Variants in INO80 observed in about 807,000 individuals in gnomAD.
The protein encoded by INO80 is INO80 complex ATPase subunit.
INO80 carries 20 observed loss-of-function variants against 203.4 expected under a neutral mutation model. The observed-to-expected ratio is 0.10, with a 90% CI of 0.07 to 0.14. The LOEUF is 0.14. Ranked by LOEUF, INO80 falls within the 10% of genes least tolerant of loss-of-function variation. The pLI, the probability that INO80 is intolerant of heterozygous loss-of-function variation, is 1.00. For missense variants in INO80, 1,419 were observed against 1,914.4 expected (o/e 0.74, Z 4.83); for synonymous variants, 726 against 685.2 (o/e 1.06, Z -0.93).
intron 35 of INO80, among the ~76,000 whole-genome samples, chr15:40,980,940 C>T (rs911258918): frequency 7.9e-5 from 12 of 152,296 alleles, no homozygotes; most frequent in East Asian, 1.9e-4. Flanking sequence ...GTTCTCCTTG[C>T]GCTGGCAATG....
Position 40,979,898 on chromosome 15 carries a change from G to GAAAC in INO80, c.*321_*324dup. On this transcript the variant is annotated 3_prime_UTR_variant, in exon 36 of 36. Coordinates refer to ENST00000648947, the MANE Select transcript of INO80 (RefSeq NM_017553.3). Reference sequence around the variant, plus strand: ...AGAGCCGAAGAGTGGAATCGGGATGGAAACAGTATGCCTGAGCATCTAAAG... The same window carrying GAAAC: ...AGAGCCGAAGAGTGGAATCGGGATGGAAACAAACAGTATGCCTGAGCATCTAAAG... The GAAAC allele has an allele frequency of 2.8e-6, 1 of 352,922 alleles. No homozygotes were observed. Among genetic ancestry groups the GAAAC allele is most frequent in the Non-Finnish European group, 5.3e-6 (1 of 187,106 alleles). The allele number at this position is 352,922 out of a possible 1,614,324, so 21.9% of individuals were successfully genotyped here. A position where few individuals can be genotyped will look rare whatever the true frequency, so the allele number is the denominator to read the frequency against.
intron 28 of INO80, 49 bp downstream of exon 28, chr15:41,005,544 A>G (rs1243801543): frequency 4.3e-6 from 4 of 940,412 alleles, no homozygotes; most frequent in Non-Finnish European, 6.7e-6. Flanking sequence ...CATTTCAAGC[A>G]CTAGAGGGAA....
intron 29 of INO80, among the ~76,000 whole-genome samples, chr15:40,990,629 T>C (rs758497266): frequency 2.0e-5 from 3 of 152,236 alleles, no homozygotes; most frequent in Non-Finnish European, 4.4e-5. Flanking sequence ...GTTAATCTAG[T>C]GTCCTGCAAA....
chr15:41,058,223 C>T (rs1300817893), intron 16 of INO80, among the ~76,000 whole-genome samples: 1 of 152,146 alleles, frequency 6.6e-6, no homozygotes, highest in African/African-American at 2.4e-5. Flanking sequence ...AAAATGTCAC[C>T]TTCTTGAACA....
At chr15:41,039,804 T>C (rs2044640662) in intron 24 of INO80, among the ~76,000 whole-genome samples, 1 of 152,250 alleles carries the variant, frequency 6.6e-6, no homozygotes, top group African/African-American at 2.4e-5. Context: ...TAGTAAACAC[T>C]GAGTCTCCAC....
chr15:41,003,627 G>T (rs1273754419), intron 28 of INO80, among the ~76,000 whole-genome samples: 1 of 151,924 alleles, frequency 6.6e-6, no homozygotes, highest in African/African-American at 2.4e-5. Context: ...ACTGTGCCTG[G>T]ACTTTATTTT....
intron 24 of INO80, among the ~76,000 whole-genome samples, chr15:41,030,190 C>G (rs1442888736): frequency 6.6e-6 from 1 of 152,162 alleles, no homozygotes; most frequent in Admixed American, 6.5e-5. Context: ...AAAGAATGAA[C>G]ATTTCCTCCA....
chr15:41,046,148 G>A (rs2044755378), intron 23 of INO80, among the ~76,000 whole-genome samples: 1 of 121,338 alleles, frequency 8.2e-6, no homozygotes, highest in African/African-American at 2.9e-5. Flanking sequence ...ATATTTAAGG[G>A]GTGTGTGTGT....
chr15:41,067,626 C>T (rs2045243970), intron 14 of INO80, among the ~76,000 whole-genome samples: 1 of 152,160 alleles, frequency 6.6e-6, no homozygotes, highest in African/African-American at 2.4e-5. Context: ...AATGGGACCA[C>T]AGCCATAAAG....
chr15:41,092,630 T>A (rs566465304), intron 4 of INO80, among the ~76,000 whole-genome samples: 1 of 152,270 alleles, frequency 6.6e-6, no homozygotes, highest in South Asian at 2.1e-4. Flanking sequence ...AATATCCAGA[T>A]AATGAGATGT....
In INO80 at chr15:41,049,386, T is replaced by A. The variant is rs1342928643; in HGVS notation, c.2477A>T (p.Glu826Val). The change falls in exon 21 of 36, where the codon GAA (glutamate) becomes GTA (valine). Residue 826 changes from glutamate to valine, a missense_variant. Glu to Val is a moderately radical substitution (Grantham distance 121, BLOSUM62 -2). This residue lies in a region of INO80 where 192 missense variants were observed against 406.7 expected (regional missense o/e 0.47). Coordinates refer to ENST00000648947, the MANE Select transcript of INO80 (RefSeq NM_017553.3). ...CNHPELFERQETWSPFHISLK... is the reference protein window; with the variant it reads ...CNHPELFERQVTWSPFHISLK... The stretch of plus-strand genomic sequence containing the variant: ...GGAAATATGAAATGGAGACCAAGTT[T>A]CTTGCCGTTCAAATAACTCCGGGTG... 1 of 1,613,994 alleles carries A rather than the reference T, an allele frequency of 6.2e-7. No homozygotes were observed. The highest frequency in any genetic ancestry group is 2.2e-5 in the East Asian group (1 of 44,874).
chr15:41,080,041 T>C (rs10518712), intron 8 of INO80, 137 bp from the exon 9 acceptor site: 21,681 of 717,290 alleles, frequency 0.03, 1,776 homozygotes, highest in African/African-American at 0.24. Context: ...TGCAACTTGA[T>C]TAATGTCCTT....
intron 1 of INO80, among the ~76,000 whole-genome samples, chr15:41,112,868 T>C (rs543816109): frequency 6.6e-6 from 1 of 151,966 alleles, no homozygotes; most frequent in East Asian, 1.9e-4. Flanking sequence ...CAACCCACTT[T>C]GTCCACTCTA....
At chr15:41,015,774 T>TAAAAA (rs999539137) in intron 27 of INO80, among the ~76,000 whole-genome samples, 2 of 93,112 alleles carry the variant, frequency 2.1e-5, no homozygotes, top group East Asian at 3.0e-4. Flanking sequence ...CATCTCTACT[T>TAAAAA]AAAAAAAAAA....
In INO80 at chr15:41,085,514, C is replaced by T. The variant is rs776475349; in HGVS notation, c.728G>A (p.Arg243His). ...AAAGACTTTGGTCTGGTGGTGATGGCGACGAGGGGATTCTTCAGAGGAAAG... is the reference window on the plus strand; with the variant it reads ...AAAGACTTTGGTCTGGTGGTGATGGTGACGAGGGGATTCTTCAGAGGAAAG... ...EELSSEESPR[R>H]HHHQTKVFAK... The change falls in exon 7 of 36, where the codon CGC (arginine) becomes CAC (histidine). Residue 243 changes from arginine (R) to histidine (H), a missense_variant. Physicochemically the swap from Arg to His is conservative, Grantham distance 29. This residue lies in a region of INO80 where 323 missense variants were observed against 325.4 expected (regional missense o/e 0.99). Transcript: ENST00000648947. The T allele has an allele frequency of 9.3e-6, 15 of 1,614,126 alleles. No individual in the cohort carries two copies. The highest frequency in any genetic ancestry group is 1.3e-5 in the African/African-American group (1 of 75,032).
chr15:41,084,501 G>C (rs2045530632), intron 7 of INO80, among the ~76,000 whole-genome samples: 2 of 152,184 alleles, frequency 1.3e-5, no homozygotes, highest in African/African-American at 4.8e-5. Context: ...GGAGGTTGCA[G>C]TGAGCCGAGA....
At position 41,095,915 on chromosome 15, in the gene INO80, C is replaced by T. The variant is rs780504820; in HGVS notation, c.157G>A (p.Asp53Asn). The change falls in exon 3 of 36, where the codon GAT becomes AAT. Residue 53 changes from aspartate to asparagine, a missense_variant. Physicochemically the swap from Asp to Asn is conservative, Grantham distance 23. Coordinates refer to ENST00000648947, the MANE Select transcript of INO80 (RefSeq NM_017553.3). The part of the protein sequence containing the change: ...NRNISSDDSE[D>N]GLDDSNPLLP... ...AATGGATTACTGTCATCCAGTCCAT[C>T]TTCACTGTCATCACTATAAATTGAA... The T allele has an allele frequency of 1.2e-6, 2 of 1,613,786 alleles. No individual in the cohort carries two copies. Among genetic ancestry groups the T allele is most frequent in the Non-Finnish European group, 8.5e-7 (1 of 1,179,728 alleles).
At position 41,073,465 on chromosome 15, in the gene INO80, T is replaced by G. The variant is rs1305667677; in HGVS notation, c.1358A>C (p.Lys453Thr). Reference protein sequence around the residue: ...DSNHFKAQALKNAENAYHIHQ... With the variant: ...DSNHFKAQALTNAENAYHIHQ... ...AATATGGTAAGCATTTTCAGCATTC[T>G]TCAGGGCCTGGGCTTTAAAATGGTT... Residue 453 changes from lysine (K) to threonine (T), a missense_variant, in exon 11 of 36, where the codon AAG (lysine) becomes ACG (threonine). Physicochemically the swap from Lys to Thr is moderately conservative, Grantham distance 78 (BLOSUM62 -1). This residue lies in a region of INO80 where 116 missense variants were observed against 119.5 expected (regional missense o/e 0.97). Transcript: ENST00000648947. 6.2e-7 allele frequency: 1 copy of G among 1,614,152 alleles called. No homozygotes were observed. Among genetic ancestry groups the G allele is most frequent in the Non-Finnish European group, 8.5e-7 (1 of 1,179,996 alleles).
In INO80 at chr15:41,056,715, T is replaced by C; in HGVS notation, c.1986-9A>G. The C allele has an allele frequency of 6.2e-7, 1 of 1,609,170 alleles. No homozygotes were observed. Among genetic ancestry groups the C allele is most frequent in the East Asian group, 2.2e-5 (1 of 44,850 alleles). On this transcript the variant is annotated splice_polypyrimidine_tract_variant and intron_variant, in intron 16 of 35. Transcript: ENST00000648947. The stretch of plus-strand genomic sequence containing the variant: ...GGATCTTCCAACGAACACTGTTTGA[T>C]AAAATAAGTTACAAATTCATGTTAG...
Sources: gnomAD v4.1 joint callset for allele counts (sites outside exome capture counted in the v4.1 genomes callset) on GRCh38, gnomAD v4.1.1 for gene constraint, gnomAD v4.1.1 regional missense constraint, MANE v1.5 for transcripts, NCBI Gene and HGNC (gene_info 2026-07-23, HGNC 2026-07-21) for gene names.